NDUFA11: variants seen among roughly 807,000 people sequenced by gnomAD.
NDUFA11 encodes the protein NADH dehydrogenase [ubiquinone] 1 alpha subcomplex subunit 11.
NDUFA11 carries 14 observed loss-of-function variants against 11.3 expected under a neutral mutation model. The observed-to-expected ratio is 1.24, with a 90% CI of 0.82 to 1.94. NDUFA11 has a LOEUF of 1.94. NDUFA11 is among the 30% of genes most tolerant of loss of function. NDUFA11 has a pLI of 0.00. For synonymous variants in NDUFA11, 87 were observed against 85.6 expected (o/e 1.02, Z -0.09); for missense variants, 204 against 200.3 (o/e 1.02, Z -0.11).
At chr19:5,894,918 C>T in intron 3 of NDUFA11, 64 bp from the exon 4 acceptor site, 2 of 1,516,026 alleles carry the variant, frequency 1.3e-6, no homozygotes, top group Non-Finnish European at 8.9e-7. Flanking sequence ...ACGCTCCACG[C>T]CCTGGCCGGT....
chr19:5,896,858 G>C lies in NDUFA11; in HGVS notation c.190+47C>G. 6.7e-7 allele frequency: 1 copy of C among 1,501,084 alleles called. No individual in the cohort carries two copies. Among genetic ancestry groups the C allele is most frequent in the East Asian group, 2.3e-5 (1 of 44,320 alleles). 93.0% of individuals were successfully genotyped at this position (1,501,084 alleles called of 1,614,324 possible). A position where few individuals can be genotyped will look rare whatever the true frequency, so the allele number is the denominator to read the frequency against. On this transcript the variant is annotated intron_variant, in intron 2 of 3. Coordinates refer to ENST00000308961, the MANE Select transcript of NDUFA11 (RefSeq NM_175614.5). The surrounding 1 kb of genome is among the most constrained non-coding windows in gnomAD (Gnocchi z 5.8). ...CCGTCAAATGTGCTCTGAGAGCTGGGGCTGTGCCAGGAGAGGGCCCAGCCA... is the reference window on the plus strand; with the variant it reads ...CCGTCAAATGTGCTCTGAGAGCTGGCGCTGTGCCAGGAGAGGGCCCAGCCA...
chr19:5,903,544 GC>G (rs1200432235), intron 1 of NDUFA11, 67 bp downstream of exon 1: 2 of 1,433,370 alleles, frequency 1.4e-6, no homozygotes, highest in Non-Finnish European at 1.9e-6. Flanking sequence ...GATCCAAACA[GC>G]CCCCAGTAAC....
chr19:5,896,370 C>T lies in NDUFA11; in HGVS notation c.313+83G>A. 7 of 1,393,610 alleles carry T rather than the reference C, an allele frequency of 5.0e-6. No homozygotes were observed. Among genetic ancestry groups the T allele is most frequent in the Non-Finnish European group, 6.7e-6 (7 of 1,041,732 alleles). The allele number at this position is 1,393,610 out of a possible 1,614,324, so 86.3% of individuals were successfully genotyped here. ...GCTTTACTTCTTGTCCGGGATGGAA[C>T]AGAGAGGGTGGAGGATGAGCAGAGG... On this transcript the variant is annotated intron_variant, in intron 3 of 3. Coordinates refer to ENST00000308961, the MANE Select transcript of NDUFA11 (RefSeq NM_175614.5). The surrounding 1 kb of genome is among the most constrained non-coding windows in gnomAD (Gnocchi z 5.8).
At chr19:5,900,225 T>C (rs2057636229) in intron 1 of NDUFA11, among the ~76,000 whole-genome samples, 1 of 152,190 alleles carries the variant, frequency 6.6e-6, no homozygotes, top group African/African-American at 2.4e-5. Flanking sequence ...ACTGCTGGTT[T>C]CCTCTGAGCC....
intron 1 of NDUFA11, chr19:5,901,365 C>A: frequency 7.8e-7 from 1 of 1,287,152 alleles, no homozygotes; most frequent in Non-Finnish European, 1.0e-6. Context: ...TTCAGAGACC[C>A]CTAGGAGCAG....
intron 3 of NDUFA11, chr19:5,895,172 A>G (rs1176664208): frequency 1.0e-5 from 4 of 388,588 alleles, no homozygotes; most frequent in Non-Finnish European, 1.9e-5. Context: ...GCACCGGGCC[A>G]TGGTGACACA....
chr19:5,894,986 T>C, intron 3 of NDUFA11, 132 bp from the exon 4 acceptor site: 5 of 1,039,758 alleles, frequency 4.8e-6, no homozygotes, highest in Non-Finnish European at 6.9e-6. Flanking sequence ...AGGGATTAAG[T>C]CACTCAGGAA....
Position 5,896,676 on chromosome 19 carries a change from C to A in NDUFA11, c.191-101G>T. On this transcript the variant is annotated intron_variant, in intron 2 of 3. Coordinates refer to ENST00000308961, the MANE Select transcript of NDUFA11 (RefSeq NM_175614.5). The surrounding 1 kb of genome is among the most constrained non-coding windows in gnomAD (Gnocchi z 5.8). ...CTGGATGGAGAGAGATGCCACGAGT[C>A]GGCTGCTCGCTGTGCATGGCAGCCT... is the stretch of plus-strand genomic sequence containing the variant. 1 of 1,520,228 alleles carries A rather than the reference C, an allele frequency of 6.6e-7. No homozygotes were observed. The highest frequency in any genetic ancestry group is 1.2e-5 in the South Asian group (1 of 83,978). 94.2% of individuals were successfully genotyped at this position (1,520,228 alleles called of 1,614,324 possible). A position where few individuals can be genotyped will look rare whatever the true frequency, so the allele number is the denominator to read the frequency against.
chr19:5,900,290 C>A (rs2057636761), intron 1 of NDUFA11, among the ~76,000 whole-genome samples: 1 of 152,204 alleles, frequency 6.6e-6, no homozygotes, highest in Non-Finnish European at 1.5e-5. Context: ...CAGCTACTGC[C>A]ACTCATTCAT....
chr19:5,892,746 A>C, downstream of NDUFA11: 2 of 872,004 alleles, frequency 2.3e-6, no homozygotes, highest in East Asian at 2.9e-5. Context: ...GTAGAGACAG[A>C]GGCCGGTGCC....
intron 1 of NDUFA11, among the ~76,000 whole-genome samples, chr19:5,903,026 AAAG>A (rs553811826): frequency 0.011 from 1,598 of 150,772 alleles, 7 homozygotes; most frequent in South Asian, 0.028. Flanking sequence ...AAAAAAAAAA[AAAG>A]GAGAATGCCA....
chr19:5,902,578 T>C (rs2057652576), intron 1 of NDUFA11: 1 of 152,396 alleles, frequency 6.6e-6, no homozygotes, highest in African/African-American at 2.4e-5. Flanking sequence ...TTGTAAAGAT[T>C]CTTCATCAGA....
intron 1 of NDUFA11, among the ~76,000 whole-genome samples, chr19:5,902,073 TCACGC>T (rs1220564766): frequency 5.3e-5 from 8 of 151,622 alleles, no homozygotes; most frequent in Admixed American, 5.3e-4. Context: ...CCTCCTGGAT[TCACGC>T]CATTCTCCTG....
downstream of NDUFA11, chr19:5,891,919 C>T (rs2057580351): frequency 6.6e-6 from 1 of 152,284 alleles, no homozygotes; most frequent in Admixed American, 6.5e-5. Context: ...AAGGGTCCCC[C>T]ACAGCCCCTC....
chr19:5,896,055 CAGAA>C lies in NDUFA11; in HGVS notation c.313+394_313+397del. The C allele has an allele frequency of 2.6e-6, 1 of 381,350 alleles. No homozygotes were observed. Among genetic ancestry groups the C allele is most frequent in the Non-Finnish European group, 4.7e-6 (1 of 210,868 alleles). 23.6% of individuals were successfully genotyped at this position (381,350 alleles called of 1,614,324 possible). On this transcript the variant is annotated intron_variant, in intron 3 of 3. Coordinates refer to ENST00000308961, the MANE Select transcript of NDUFA11 (RefSeq NM_175614.5). This position sits in a 1 kb window ranked among gnomAD's most constrained non-coding sequence, Gnocchi z 5.8. The stretch of plus-strand genomic sequence containing the variant: ...GACCTGTGTCCTCTGACAAGGCACA[CAGAA>C]GGAAGGCGGCACAGAGCGAGGGCGG...
downstream of NDUFA11, chr19:5,893,014 T>C (rs1568429168): frequency 1.3e-6 from 2 of 1,533,896 alleles, no homozygotes; most frequent in Non-Finnish European, 1.7e-6. The surrounding 1 kb of genome is among the most constrained non-coding windows in gnomAD (Gnocchi z 4.1). Context: ...GGGGTGGGTG[T>C]GTCCGCCCTT....
At chr19:5,897,795 C>T (rs2057620314) in intron 1 of NDUFA11, among the ~76,000 whole-genome samples, 2 of 152,238 alleles carry the variant, frequency 1.3e-5, no homozygotes, top group African/African-American at 4.8e-5. Context: ...GCCCACCGTC[C>T]CTGCTGGGTG....
Position 5,896,690 on chromosome 19 carries a change from G to A in NDUFA11, c.191-115C>T. On this transcript the variant is annotated intron_variant, in intron 2 of 3. Transcript: ENST00000308961. The surrounding 1 kb of genome is among the most constrained non-coding windows in gnomAD (Gnocchi z 5.8). ...ATGCCACGAGTCGGCTGCTCGCTGT[G>A]CATGGCAGCCTCCTGGCCCCAGTCC... 6.9e-7 allele frequency: 1 copy of A among 1,459,750 alleles called. No homozygotes were observed. Among genetic ancestry groups the A allele is most frequent in the Admixed American group, 2.0e-5 (1 of 51,044 alleles). 90.4% of individuals were successfully genotyped at this position (1,459,750 alleles called of 1,614,324 possible).
intron 1 of NDUFA11, among the ~76,000 whole-genome samples, chr19:5,903,160 AC>A (rs1240562099): frequency 6.6e-6 from 1 of 151,764 alleles, no homozygotes; most frequent in East Asian, 1.9e-4. Context: ...ACCACCCAGC[AC>A]CCCCTGACCA....
Sources: allele counts gnomAD v4.1 joint callset (sites outside exome capture counted in the v4.1 genomes callset), GRCh38; gene constraint gnomAD v4.1.1; non-coding constraint Gnocchi (gnomAD v3.1); transcripts MANE v1.5; gene names NCBI Gene and HGNC (gene_info 2026-07-23, HGNC 2026-07-21).